ADAM15: variants seen among roughly 807,000 people sequenced by gnomAD.
The protein encoded by ADAM15 is ADAM metallopeptidase domain 15.
Under a neutral mutation model 113.8 loss-of-function variants are expected in ADAM15, and 77 were observed. The ratio of observed to expected loss-of-function variants is 0.68; its 90% CI spans 0.56 to 0.82. The LOEUF is 0.82. Among genes scored for constraint, ADAM15 ranks in the 40% least tolerant of loss-of-function variants. The probability of loss-of-function intolerance (pLI) is 0.00; values close to 1 mark genes in which losing one functional copy is unlikely to be tolerated. For synonymous variants in ADAM15, 388 were observed against 454.1 expected, an observed-to-expected ratio of 0.85 and a Z score of 1.85; for missense variants, 963 against 1,120.1, an observed-to-expected ratio of 0.86 and a Z score of 2.00.
Position 155,061,985 on chromosome 1 carries a change from G to A in ADAM15, c.2424+10G>A, listed in dbSNP as rs765471884. On this transcript the variant is annotated intron_variant, in intron 21 of 22. Transcript: ENST00000356955. ...GGTGAGAAGCCCGAAGGTAACGGTG[G>A]GGGGAGAGAAGGGCACGGCCTCTCC... 2 of 1,575,032 alleles carry A rather than the reference G, an allele frequency of 1.3e-6. No homozygotes were observed. Among genetic ancestry groups the A allele is most frequent in the African/African-American group, 1.4e-5 (1 of 73,364 alleles).
At position 155,059,968 on chromosome 1, in the gene ADAM15, CT is replaced by C; in HGVS notation, c.2063del (p.Leu688ProfsTer7). On this transcript the variant is annotated frameshift_variant, in exon 17 of 23. Coordinates refer to ENST00000356955, the MANE Select transcript of ADAM15 (RefSeq NM_207197.3). LOFTEE classifies it high-confidence loss of function. ...GWAPPDCTTQ[L>X]KATSSLTTGL... is the part of the protein sequence containing the mutation. ...GGCACCCCCTGACTGCACCACTCAG[CT>C]CAAAGGTAGCATGGGGGTGGGGGAC... 6.2e-7 allele frequency: 1 copy of C among 1,614,072 alleles called. No homozygotes were observed. The highest frequency in any genetic ancestry group is 8.5e-7 in the Non-Finnish European group (1 of 1,179,972).
chr1:155,056,580 G>T lies in ADAM15; in HGVS notation c.999+110G>T. On this transcript the variant is annotated intron_variant, in intron 10 of 22. Transcript: ENST00000356955. The surrounding 1 kb of genome is among the most constrained non-coding windows in gnomAD (Gnocchi z 4.0). ...AAGTTGCCCAACCCCAAAGCTACAG[G>T]TATAGAGGGTGGAGGTACGTGATGT... 9.4e-7 allele frequency: 1 copy of T among 1,059,630 alleles called. No individual in the cohort carries two copies. The highest frequency in any genetic ancestry group is 2.1e-5 in the Admixed American group (1 of 46,696). 65.6% of individuals were successfully genotyped at this position (1,059,630 alleles called of 1,614,324 possible).
rs745561443 is a variant in ADAM15 at position 155,054,409 on chromosome 1, T to C, written c.515T>C (p.Leu172Pro). 1.8e-5 allele frequency: 29 copies of C among 1,613,818 alleles called. No homozygotes were observed. The highest frequency in any genetic ancestry group is 2.3e-5 in the Non-Finnish European group (27 of 1,179,946). ...GPPIISRIQDLHLPGHTCALS... is the reference protein window; with the variant it reads ...GPPIISRIQDPHLPGHTCALS... Reference sequence around the variant, plus strand: ...CCCATTATTTCGCGAATCCAAGATCTCCACCTGCCAGGCCACACCTGTGCC... The same window carrying C: ...CCCATTATTTCGCGAATCCAAGATCCCCACCTGCCAGGCCACACCTGTGCC... The change falls in exon 6 of 23, where the codon CTC (leucine) becomes CCC (proline). Residue 172 changes from leucine to proline, a missense_variant. By Grantham distance (98) the Leu-to-Pro change is moderately conservative. Transcript: ENST00000356955.
intron 18 of ADAM15, 61 bp from the exon 19 acceptor site, chr1:155,060,702 T>TATGGTAA (rs553092694): frequency 7.8e-6 from 12 of 1,544,640 alleles, no homozygotes; most frequent in Non-Finnish European, 1.1e-5. Flanking sequence ...AGGGATGGCA[T>TATGGTAA]ATGGTAGAAA....
In ADAM15 at chr1:155,056,600, T is replaced by C; in HGVS notation, c.999+130T>C. ...TACAGGTATAGAGGGTGGAGGTACG[T>C]GATGTGGCCTTTGCTATCAGGGAGC... On this transcript the variant is annotated intron_variant, in intron 10 of 22. Coordinates refer to ENST00000356955, the MANE Select transcript of ADAM15 (RefSeq NM_207197.3). The surrounding 1 kb of genome is among the most constrained non-coding windows in gnomAD (Gnocchi z 4.0). 3.4e-6 allele frequency: 3 copies of C among 879,488 alleles called. No homozygotes were observed. The highest frequency in any genetic ancestry group is 5.3e-6 in the Non-Finnish European group (3 of 569,688). The allele number at this position is 879,488 out of a possible 1,614,324, so 54.5% of individuals were successfully genotyped here. A position where few individuals can be genotyped will look rare whatever the true frequency, so the allele number is the denominator to read the frequency against.
At position 155,057,214 on chromosome 1, in the gene ADAM15, A is replaced by C; in HGVS notation, c.1175A>C (p.Asn392Thr). 6.2e-7 allele frequency: 1 copy of C among 1,613,896 alleles called. No homozygotes were observed. The highest frequency in any genetic ancestry group is 8.5e-7 in the Non-Finnish European group (1 of 1,179,808). Residue 392 changes from asparagine to threonine, a missense_variant, in exon 12 of 23, where the codon AAC becomes ACC. Coordinates refer to ENST00000356955, the MANE Select transcript of ADAM15 (RefSeq NM_207197.3). The surrounding 1 kb of genome is among the most constrained non-coding windows in gnomAD (Gnocchi z 5.0). ...TTCCTACCAGGCCTGAACTTCAGCA[A>C]CTGCAGCCGACGGGCCCTGGAGAAA... The part of the protein sequence containing the change: ...TDFLPGLNFS[N>T]CSRRALEKAL...
chr1:155,052,585 G>A (rs1661211631), intron 1 of ADAM15, 86 bp from the exon 2 acceptor site: 5 of 1,551,890 alleles, frequency 3.2e-6, no homozygotes, highest in Non-Finnish European at 4.4e-6. Context: ...GATGGGCTGG[G>A]AGCTGGTGGA....
At chr1:155,055,215 A>AC (rs1661592907) in intron 6 of ADAM15, among the ~76,000 whole-genome samples, 1 of 131,722 alleles carries the variant, frequency 7.6e-6, no homozygotes, top group Non-Finnish European at 1.7e-5. Flanking sequence ...TGGGATTTTT[A>AC]AAAATTATTA....
intron 6 of ADAM15, 106 bp downstream of exon 6, chr1:155,054,612 C>T: frequency 1.6e-6 from 2 of 1,239,032 alleles, no homozygotes; most frequent in Non-Finnish European, 2.2e-6. Flanking sequence ...GAATGGAGCA[C>T]TTTCCACATG....
At chr1:155,061,741 T>G in intron 20 of ADAM15, 163 bp from the exon 21 acceptor site, 1 of 883,678 alleles carries the variant, frequency 1.1e-6, no homozygotes, top group South Asian at 1.7e-5. Flanking sequence ...CTTCCTCCCC[T>G]GAGACATCAG....
chr1:155,062,650 T>C lies in ADAM15; in HGVS notation c.*148T>C. ...ACCGCCACGCGCTGTCAAGCAACAC[T>C]CTGCGGACCTGCCGGCGTAGTTGCA... On this transcript the variant is annotated 3_prime_UTR_variant, in exon 23 of 23. Coordinates refer to ENST00000356955, the MANE Select transcript of ADAM15 (RefSeq NM_207197.3). The surrounding 1 kb of genome is among the most constrained non-coding windows in gnomAD (Gnocchi z 7.0). 2.7e-6 allele frequency: 3 copies of C among 1,118,130 alleles called. No individual in the cohort carries two copies. Among genetic ancestry groups the C allele is most frequent in the Non-Finnish European group, 3.8e-6 (3 of 795,800 alleles). The allele number at this position is 1,118,130 out of a possible 1,614,324, so 69.3% of individuals were successfully genotyped here.
chr1:155,058,616 T>C lies in ADAM15; in HGVS notation c.1918-94T>C. On this transcript the variant is annotated intron_variant, in intron 15 of 22. Coordinates refer to ENST00000356955, the MANE Select transcript of ADAM15 (RefSeq NM_207197.3). The surrounding 1 kb of genome is among the most constrained non-coding windows in gnomAD (Gnocchi z 4.3). ...CTCACTATGCCTTGGTTTCCCCATC[T>C]GTAAACGCAGGGTATGGCCTCAACC... The C allele has an allele frequency of 1.3e-6, 2 of 1,558,546 alleles. No homozygotes were observed. The highest frequency in any genetic ancestry group is 1.7e-6 in the Non-Finnish European group (2 of 1,151,956).
At chr1:155,055,297 C>T in intron 6 of ADAM15, 1 of 156,116 alleles carries the variant, frequency 6.4e-6, no homozygotes, top group South Asian at 1.9e-4. Context: ...ATGATCTCGG[C>T]TCACTGCAAG....
Position 155,060,793 on chromosome 1 carries a change from A to G in ADAM15, c.2238A>G (p.Pro746=), listed in dbSNP as rs545152813. 2 of 1,613,298 alleles carry G rather than the reference A, an allele frequency of 1.2e-6. No individual in the cohort carries two copies. The highest frequency in any genetic ancestry group is 1.7e-6 in the Non-Finnish European group (2 of 1,179,992). ...CCCAATCTGGTCCCTCTGAACGGCC[A>G]GGACCTCCGCAGAGGGCCCTGCTGG... The part of the protein sequence containing the change: ...RAAQSGPSER[P]GPPQRALLAR... The change falls in exon 19 of 23, where the codon CCA becomes CCG. Residue 746 remains proline (P), a synonymous_variant. Coordinates refer to ENST00000356955, the MANE Select transcript of ADAM15 (RefSeq NM_207197.3).
In ADAM15 at chr1:155,060,367, C is replaced by T. The variant is rs773270858; in HGVS notation, c.2207+24C>T. 8 of 1,611,786 alleles carry T rather than the reference C, an allele frequency of 5.0e-6. No homozygotes were observed. The Admixed American group carries it at 1.3e-4, about 27-fold the overall frequency. ...AGGTATGAGCATCACCTCCCTGCTA[C>T]CACTTCCTTCAACTGGGGACAGTGC... On this transcript the variant is annotated intron_variant, in intron 18 of 22. Coordinates refer to ENST00000356955, the MANE Select transcript of ADAM15 (RefSeq NM_207197.3).
chr1:155,060,416 C>A (rs945320589), intron 18 of ADAM15, 73 bp downstream of exon 18: 1 of 1,583,916 alleles, frequency 6.3e-7, no homozygotes, highest in Non-Finnish European at 8.6e-7. Flanking sequence ...ACCTCTGCAG[C>A]CCCTGCCACC....
rs1025192322 is a variant in ADAM15, at chr1:155,052,491, A to G, written c.80-180A>G. 84 of 1,536,544 alleles carry G rather than the reference A, an allele frequency of 5.5e-5. No individual in the cohort carries two copies. The East Asian group carries it at 2.0e-3, about 36-fold the overall frequency. On this transcript the variant is annotated intron_variant, in intron 1 of 22. Coordinates refer to ENST00000356955, the MANE Select transcript of ADAM15 (RefSeq NM_207197.3). ...TGGGTTGGTGGGTGGAAAGCCATAAATTAGAGAGACACCCTCTCCTTCCAG... is the reference window on the plus strand; with the variant it reads ...TGGGTTGGTGGGTGGAAAGCCATAAGTTAGAGAGACACCCTCTCCTTCCAG...
At chr1:155,053,346 G>T in intron 2 of ADAM15, 71 bp from the exon 3 acceptor site, 1 of 1,429,078 alleles carries the variant, frequency 7.0e-7, no homozygotes. Flanking sequence ...GTGGGCCTGA[G>T]GTTTTCTGGT....
chr1:155,057,335 C>A lies in ADAM15; in HGVS notation c.1296C>A (p.Gly432=), dbSNP rs766134697. Residue 432 remains glycine, a synonymous_variant, in exon 12 of 23, where the codon GGC becomes GGA. Coordinates refer to ENST00000356955, the MANE Select transcript of ADAM15 (RefSeq NM_207197.3). The surrounding 1 kb of genome is among the most constrained non-coding windows in gnomAD (Gnocchi z 5.0). ...GCGGAAATATGTTTGTGGAGCCGGG[C>A]GAGCAGTGTGACTGTGGCTTCCTGG... ...AFCGNMFVEP[G]EQCDCGFLDD... The A allele has an allele frequency of 4.3e-6, 7 of 1,614,082 alleles. No individual in the cohort carries two copies. The Admixed American group carries it at 8.3e-5, about 19-fold the overall frequency.
Sources: allele counts gnomAD v4.1 joint callset (sites outside exome capture counted in the v4.1 genomes callset), GRCh38; gene constraint gnomAD v4.1.1; non-coding constraint Gnocchi (gnomAD v3.1); transcripts MANE v1.5; gene names NCBI Gene and HGNC (gene_info 2026-07-23, HGNC 2026-07-21).